NRG3: variants seen among roughly 807,000 people sequenced by gnomAD.
NRG3 encodes the protein neuregulin 3.
In NRG3, 31 loss-of-function variants were observed where a neutral mutation model predicts 66.9. The observed-to-expected ratio is 0.46, with a 90% CI of 0.35 to 0.63. NRG3 has a LOEUF of 0.63. Among genes scored for constraint, NRG3 ranks in the 20% least tolerant of loss-of-function variants. The pLI is 0.00. For missense variants in NRG3, 910 were observed against 878.9 expected (o/e 1.04, Z -0.45); for synonymous variants, 393 against 359.4 (o/e 1.09, Z -1.06).
At chr10:82,323,565 G>C (rs1459725916) in intron 1 of NRG3, among the ~76,000 whole-genome samples, 1 of 149,834 alleles carries the variant, frequency 6.7e-6, no homozygotes, top group Non-Finnish European at 1.5e-5. Flanking sequence ...AAGAACACTT[G>C]TATGTAATAT....
intron 3 of NRG3, among the ~76,000 whole-genome samples, chr10:82,767,589 T>C (rs188648264): frequency 5.3e-5 from 8 of 152,208 alleles, no homozygotes. Flanking sequence ...AAATTTCTCT[T>C]GGTTGGCTAT....
intron 1 of NRG3, among the ~76,000 whole-genome samples, chr10:82,050,771 A>C (rs1589918596): frequency 2.2e-5 from 2 of 90,216 alleles, no homozygotes; most frequent in South Asian, 5.0e-4. Context: ...TCCCATCTCT[A>C]CCCCTTGCTT....
At chr10:82,334,335 G>A (rs950817392) in intron 1 of NRG3, among the ~76,000 whole-genome samples, 1 of 152,084 alleles carries the variant, frequency 6.6e-6, no homozygotes, top group African/African-American at 2.4e-5. Context: ...ATCAGGAGTT[G>A]CCTTTTCAAA....
intron 1 of NRG3, among the ~76,000 whole-genome samples, chr10:81,929,615 A>G (rs1278725490): frequency 2.0e-5 from 3 of 152,166 alleles, no homozygotes; most frequent in Non-Finnish European, 4.4e-5. Context: ...GTTGACTACA[A>G]TGTATTTCCC....
chr10:82,037,816 T>C (rs2062855744), intron 1 of NRG3, among the ~76,000 whole-genome samples: 1 of 152,008 alleles, frequency 6.6e-6, no homozygotes, highest in Admixed American at 6.6e-5. Flanking sequence ...GAAAACTGTG[T>C]GTTCAAGAAT....
chr10:82,384,546 T>C (rs1357567688), intron 2 of NRG3, among the ~76,000 whole-genome samples: 3 of 152,216 alleles, frequency 2.0e-5, no homozygotes, highest in Non-Finnish European at 4.4e-5. Context: ...TTTCTGTTTC[T>C]GCATTCGTCT....
intron 4 of NRG3, among the ~76,000 whole-genome samples, chr10:82,894,859 A>C (rs1843496486): frequency 6.6e-6 from 1 of 152,122 alleles, no homozygotes; most frequent in Non-Finnish European, 1.5e-5. Flanking sequence ...TAAGCCCTGC[A>C]TGCATTAGGT....
At chr10:82,378,963 C>T (rs185086504) in intron 2 of NRG3, among the ~76,000 whole-genome samples, 3 of 152,206 alleles carry the variant, frequency 2.0e-5, no homozygotes, top group East Asian at 1.9e-4. Context: ...GATAAGAGCA[C>T]TAGAAGATCT....
At chr10:82,446,662 A>G (rs937322026) in intron 2 of NRG3, among the ~76,000 whole-genome samples, 3 of 152,170 alleles carry the variant, frequency 2.0e-5, no homozygotes, top group Non-Finnish European at 1.5e-5. Flanking sequence ...GAGGTAAAGA[A>G]CCAGGAAAAA....
intron 8 of NRG3, among the ~76,000 whole-genome samples, chr10:82,981,086 C>T (rs1184105363): frequency 6.6e-6 from 1 of 152,154 alleles, no homozygotes; most frequent in Non-Finnish European, 1.5e-5. Context: ...TTATGACCAT[C>T]TTTCCATATG....
chr10:81,952,187 C>T (rs1330997028), intron 1 of NRG3, among the ~76,000 whole-genome samples: 1 of 152,146 alleles, frequency 6.6e-6, no homozygotes, highest in East Asian at 1.9e-4. Flanking sequence ...CACATGTATG[C>T]ATATGTAACT....
intron 2 of NRG3, among the ~76,000 whole-genome samples, chr10:82,576,910 T>A (rs541792194): frequency 6.6e-6 from 1 of 151,824 alleles, no homozygotes; most frequent in Non-Finnish European, 1.5e-5. Context: ...TTGCTCATCA[T>A]CAGCTTCCTT....
chr10:82,829,687 G>C (rs2062416900), intron 3 of NRG3, among the ~76,000 whole-genome samples: 1 of 152,102 alleles, frequency 6.6e-6, no homozygotes, highest in African/African-American at 2.4e-5. Context: ...TGAATATTTT[G>C]GAGCCTGGGG....
intron 2 of NRG3, among the ~76,000 whole-genome samples, chr10:82,435,779 C>CTT (rs1158502018): frequency 0.027 from 2,944 of 108,230 alleles, 64 homozygotes; most frequent in Non-Finnish European, 0.041. Flanking sequence ...CTTTTCTTTT[C>CTT]TTTTTTTTTT....
chr10:82,512,230 TAATG>T (rs1395355098), intron 2 of NRG3, among the ~76,000 whole-genome samples: 1 of 151,564 alleles, frequency 6.6e-6, no homozygotes, highest in African/African-American at 2.4e-5. Flanking sequence ...ACTATATATA[TAATG>T]AATATACATA....
At chr10:82,017,964 G>A (rs951908073) in intron 1 of NRG3, among the ~76,000 whole-genome samples, 3 of 152,204 alleles carry the variant, frequency 2.0e-5, no homozygotes, top group Non-Finnish European at 2.9e-5. Flanking sequence ...TTTGTCAATT[G>A]TGGCTTTTTT....
intron 4 of NRG3, among the ~76,000 whole-genome samples, chr10:82,934,367 C>G (rs1252434264): frequency 6.6e-6 from 1 of 152,188 alleles, no homozygotes; most frequent in East Asian, 1.9e-4. Context: ...CCTTAAAATT[C>G]TATTCAGTTC....
rs1453726590 is a variant in NRG3 at position 82,255,136 on chromosome 10, A to G, written c.824-103603A>G. On this transcript the variant is annotated intron_variant, in intron 1 of 8. Transcript: ENST00000372141. Reference sequence around the variant, plus strand: ...GGACATGATGAAAATGGCACTTTACATCTGTAGTCTTCCTTCCTGGAACCC... The same window carrying G: ...GGACATGATGAAAATGGCACTTTACGTCTGTAGTCTTCCTTCCTGGAACCC... Among the ~76,000 whole-genome samples, 8 of 152,354 alleles carry G rather than the reference A, an allele frequency of 5.3e-5. No homozygotes were observed. In the East Asian group the frequency reaches 1.5e-3, roughly 29 times the overall value.
At chr10:82,493,289 C>A (rs964295005) in intron 2 of NRG3, among the ~76,000 whole-genome samples, 3 of 152,108 alleles carry the variant, frequency 2.0e-5, no homozygotes, top group African/African-American at 7.2e-5. Flanking sequence ...CCTGACCTAA[C>A]CCCCTAACAG....
Sources: allele counts gnomAD v4.1 joint callset (sites outside exome capture counted in the v4.1 genomes callset), GRCh38; gene constraint gnomAD v4.1.1; transcripts MANE v1.5; gene names NCBI Gene and HGNC (gene_info 2026-07-23, HGNC 2026-07-21).